POLR3E: variants seen among roughly 807,000 people sequenced by gnomAD.
POLR3E encodes the protein DNA-directed RNA polymerase III subunit RPC5.
Under a neutral mutation model 96.6 loss-of-function variants are expected in POLR3E, and 41 were observed. The ratio of observed to expected loss-of-function variants is 0.42; its 90% CI spans 0.33 to 0.55. POLR3E has a LOEUF of 0.55. Ranked by LOEUF, POLR3E falls within the 20% of genes least tolerant of loss-of-function variation. The pLI is 0.06. For synonymous variants in POLR3E, 396 were observed against 383.6 expected, an observed-to-expected ratio of 1.03 and a Z score of -0.38; for missense variants, 849 against 952.1, an observed-to-expected ratio of 0.89 and a Z score of 1.43.
Position 22,333,833 on chromosome 16 carries a change from C to A in POLR3E, c.*133C>A. 1.5e-6 allele frequency: 1 copy of A among 677,214 alleles called. No individual in the cohort carries two copies. Among genetic ancestry groups the A allele is most frequent in the Admixed American group, 2.2e-5 (1 of 45,710 alleles). The allele number at this position is 677,214 out of a possible 1,614,324, so 42.0% of individuals were successfully genotyped here. A position where few individuals can be genotyped will look rare whatever the true frequency, so the allele number is the denominator to read the frequency against. On this transcript the variant is annotated 3_prime_UTR_variant, in exon 21 of 21. Coordinates refer to ENST00000299853, the MANE Select transcript of POLR3E (RefSeq NM_018119.4). ...CCATCTCATGACCTGTGGCATTGCA[C>A]GGTGCAGTGGACAGAAGGGATTATC...
At chr16:22,308,063 G>A in intron 3 of POLR3E, 85 bp from the exon 4 acceptor site, 1 of 981,628 alleles carries the variant, frequency 1.0e-6, no homozygotes, top group Non-Finnish European at 1.6e-6. Flanking sequence ...GGGTGGGCTT[G>A]GAGATAGCTG....
chr16:22,309,382 C>T, intron 5 of POLR3E, 46 bp from the exon 6 acceptor site: 1 of 1,422,190 alleles, frequency 7.0e-7, no homozygotes. Flanking sequence ...CAGGCCCTGG[C>T]TCGGAGCTGC....
At chr16:22,316,850 C>T (rs1258332866) in intron 10 of POLR3E, 145 bp from the exon 11 acceptor site, 2 of 964,704 alleles carry the variant, frequency 2.1e-6, no homozygotes, top group Non-Finnish European at 3.3e-6. Context: ...AGAGATGGTC[C>T]ACTTTTCTGC....
chr16:22,309,332 A>G (rs2048196753), intron 5 of POLR3E, 96 bp from the exon 6 acceptor site: 2 of 967,246 alleles, frequency 2.1e-6, no homozygotes, highest in Non-Finnish European at 3.3e-6. Context: ...TGGCTGTGGC[A>G]CTTCAGAAAG....
intron 1 of POLR3E, among the ~76,000 whole-genome samples, chr16:22,299,905 G>A (rs960883531): frequency 2.6e-5 from 4 of 151,686 alleles, no homozygotes; most frequent in Non-Finnish European, 5.9e-5. Context: ...GGGGCGGGGG[G>A]CGCCTCACTA....
At chr16:22,297,601 C>T (rs1598223482) in intron 1 of POLR3E, 64 bp downstream of exon 1, 1 of 152,484 alleles carries the variant, frequency 6.6e-6, no homozygotes, top group African/African-American at 2.4e-5. Context: ...CGACGTGGGC[C>T]TGGGCTAGAT....
chr16:22,324,740 C>A, intron 16 of POLR3E, 80 bp downstream of exon 16: 1 of 1,468,236 alleles, frequency 6.8e-7, no homozygotes, highest in South Asian at 1.1e-5. Flanking sequence ...AGGGTGGATC[C>A]GAGCAATCTC....
chr16:22,312,358 G>A (rs796838520), intron 6 of POLR3E, among the ~76,000 whole-genome samples: 4 of 152,196 alleles, frequency 2.6e-5, no homozygotes, highest in African/African-American at 7.2e-5. Context: ...TTAGCCAGGC[G>A]TGGTGGTGAG....
chr16:22,317,516 A>G (rs1269388667), intron 12 of POLR3E, among the ~76,000 whole-genome samples: 1 of 151,940 alleles, frequency 6.6e-6, no homozygotes, highest in African/African-American at 2.4e-5. Context: ...AACCTTTCTG[A>G]GGCTTTGTTT....
At chr16:22,333,596 G>T in intron 20 of POLR3E, 48 bp from the exon 21 acceptor site, 1 of 1,265,668 alleles carries the variant, frequency 7.9e-7, no homozygotes, top group African/African-American at 1.5e-5. Context: ...AATGTAATTA[G>T]CTCCTTTTCC....
At chr16:22,314,838 G>A (rs758112052) in intron 8 of POLR3E, 6 of 353,902 alleles carry the variant, frequency 1.7e-5, no homozygotes, top group South Asian at 4.7e-5. Flanking sequence ...TGGCTCTGGC[G>A]CCTGGGACTC....
intron 16 of POLR3E, 107 bp downstream of exon 16, chr16:22,324,767 G>A: frequency 7.9e-7 from 1 of 1,258,022 alleles, no homozygotes; most frequent in Non-Finnish European, 1.1e-6. Context: ...CCCCACATCT[G>A]GGGAGAGCGC....
intron 6 of POLR3E, among the ~76,000 whole-genome samples, chr16:22,312,938 G>A (rs1264745763): frequency 3.5e-5 from 5 of 144,662 alleles, no homozygotes; most frequent in Non-Finnish European, 6.0e-5. Context: ...AGCAATGAAC[G>A]AAACTAATCT....
At chr16:22,332,890 T>A (rs564712968) in intron 20 of POLR3E, among the ~76,000 whole-genome samples, 5 of 151,160 alleles carry the variant, frequency 3.3e-5, no homozygotes, top group Non-Finnish European at 5.9e-5. Flanking sequence ...TGATTAAACA[T>A]CCAGAGCCAT....
chr16:22,306,293 C>G (rs1251690453), intron 3 of POLR3E, among the ~76,000 whole-genome samples: 1 of 152,160 alleles, frequency 6.6e-6, no homozygotes, highest in Non-Finnish European at 1.5e-5. Flanking sequence ...CAGTCTTGCT[C>G]TGTTGCCCAG....
intron 19 of POLR3E, chr16:22,331,500 T>G (rs1384970088): frequency 6.6e-6 from 1 of 152,410 alleles, no homozygotes; most frequent in African/African-American, 2.4e-5. Flanking sequence ...ATCCTGTGAG[T>G]TGTTACTTTT....
At chr16:22,308,836 TAGG>T in intron 4 of POLR3E, 86 bp from the exon 5 acceptor site, 1 of 803,298 alleles carries the variant, frequency 1.2e-6, no homozygotes. Context: ...GGGTCCTGGT[TAGG>T]AGGTGGCCAT....
intron 6 of POLR3E, among the ~76,000 whole-genome samples, chr16:22,312,867 C>T (rs1176526518): frequency 1.6e-5 from 2 of 121,928 alleles, no homozygotes; most frequent in Admixed American, 8.8e-5. Context: ...GAGCGACACT[C>T]CATCTCAAAA....
Position 22,305,140 on chromosome 16 carries a change from C to A in POLR3E, c.37-16C>A, listed in dbSNP as rs2048108158. ...GTGTCCAGTCTCCCGGTTAAGTCGT[C>A]TTCCCTTCTTCCCAGATCGATGTGT... On this transcript the variant is annotated splice_polypyrimidine_tract_variant and intron_variant, in intron 2 of 20. Coordinates refer to ENST00000299853, the MANE Select transcript of POLR3E (RefSeq NM_018119.4). 6.2e-6 allele frequency: 10 copies of A among 1,610,892 alleles called. No individual in the cohort carries two copies. The East Asian group carries it at 2.2e-4, about 36-fold the overall frequency.
Sources: gnomAD v4.1 joint callset for allele counts (sites outside exome capture counted in the v4.1 genomes callset) on GRCh38, gnomAD v4.1.1 for gene constraint, MANE v1.5 for transcripts, NCBI Gene and HGNC (gene_info 2026-07-23, HGNC 2026-07-21) for gene names.